Variants in CACNA1A observed in about 807,000 individuals in gnomAD.
CACNA1A encodes calcium voltage-gated channel subunit alpha1 A.
In CACNA1A, 57 loss-of-function variants were observed where a neutral mutation model predicts 262.4. The ratio of observed to expected loss-of-function variants is 0.22; its 90% CI spans 0.18 to 0.27. CACNA1A has a LOEUF of 0.27. CACNA1A is among the 10% of genes least tolerant of loss of function. The pLI, the probability that CACNA1A is intolerant of heterozygous loss-of-function variation, is 1.00. For missense variants in CACNA1A, 2,526 were observed against 3,562.8 expected (o/e 0.71, Z 7.41); for synonymous variants, 1,431 against 1,419.3 (o/e 1.01, Z -0.18).
At chr19:13,251,015 C>T (rs2056380758) in intron 30 of CACNA1A, among the ~76,000 whole-genome samples, 2 of 151,072 alleles carry the variant, frequency 1.3e-5, no homozygotes, top group African/African-American at 4.9e-5. Context: ...ATCTGTAGTC[C>T]CAGCTACTCA....
At chr19:13,461,204 G>T (rs2061115520) in intron 1 of CACNA1A, among the ~76,000 whole-genome samples, 1 of 152,166 alleles carries the variant, frequency 6.6e-6, no homozygotes, top group South Asian at 2.1e-4. Context: ...GCTGGGCATA[G>T]TGGCAGACGC....
chr19:13,496,028 C>T (rs1981467788), intron 1 of CACNA1A, among the ~76,000 whole-genome samples: 1 of 148,878 alleles, frequency 6.7e-6, no homozygotes, highest in Admixed American at 6.9e-5. Context: ...ATCCACTCAT[C>T]CATGCATCTG....
chr19:13,300,139 AG>A (rs1426385084), intron 18 of CACNA1A, among the ~76,000 whole-genome samples: 12 of 152,158 alleles, frequency 7.9e-5, no homozygotes, highest in Non-Finnish European at 1.5e-4. Flanking sequence ...CCCCTATTCT[AG>A]GTGATGCCTT....
intron 3 of CACNA1A, among the ~76,000 whole-genome samples, chr19:13,449,293 A>AAAC (rs369479680): frequency 1.4e-4 from 22 of 151,840 alleles, no homozygotes; most frequent in African/African-American, 4.8e-4. Context: ...AAAAAACAAA[A>AAAC]AACAACAACA....
chr19:13,381,363 C>T (rs2059521035), intron 3 of CACNA1A, among the ~76,000 whole-genome samples: 1 of 146,716 alleles, frequency 6.8e-6, no homozygotes, highest in Admixed American at 6.8e-5. Flanking sequence ...CGTGCCACTG[C>T]ATTCCAGGCT....
chr19:13,343,125 TTTC>T (rs1276439333), intron 6 of CACNA1A, among the ~76,000 whole-genome samples: 4 of 143,196 alleles, frequency 2.8e-5, no homozygotes, highest in African/African-American at 1.1e-4. Context: ...CTTTTTTTTC[TTTC>T]TTTTTTTTTT....
chr19:13,378,522 C>T (rs1271294953), intron 3 of CACNA1A, among the ~76,000 whole-genome samples: 2 of 152,128 alleles, frequency 1.3e-5, no homozygotes, highest in African/African-American at 4.8e-5. Flanking sequence ...ACAGGCACCC[C>T]AATCTTCAGC....
chr19:13,255,383 C>A (rs189802895), intron 28 of CACNA1A, 124 bp from the exon 29 acceptor site: 11 of 841,820 alleles, frequency 1.3e-5, no homozygotes, highest in Non-Finnish European at 1.9e-5. Context: ...GCCTCTCTTG[C>A]CCCCAGCCAG....
At chr19:13,254,537 T>C (rs978473168) in intron 29 of CACNA1A, among the ~76,000 whole-genome samples, 4 of 152,030 alleles carry the variant, frequency 2.6e-5, no homozygotes, top group African/African-American at 4.8e-5. Context: ...TAATTTTGTA[T>C]TTTTAGTAGA....
chr19:13,376,779 AATATATGTGACATATATACACATAAT>A (rs2059418399), intron 3 of CACNA1A, among the ~76,000 whole-genome samples: 1 of 111,944 alleles, frequency 8.9e-6, no homozygotes, highest in African/African-American at 3.9e-5. Flanking sequence ...TATAACACAT[AATATATGTGACATATATACACATAAT>A]ATATGTTATG....
intron 1 of CACNA1A, among the ~76,000 whole-genome samples, chr19:13,485,474 AATG>A (rs149420024): frequency 0.019 from 2,844 of 152,316 alleles, 158 homozygotes; most frequent in East Asian, 0.19. Context: ...CACAACATAT[AATG>A]ATGAAGAATC....
chr19:13,357,634 T>C (rs954877417), intron 6 of CACNA1A, among the ~76,000 whole-genome samples: 1 of 152,134 alleles, frequency 6.6e-6, no homozygotes, highest in Non-Finnish European at 1.5e-5. Context: ...ACCTGCATAG[T>C]AGGTGAGGGA....
intron 10 of CACNA1A, among the ~76,000 whole-genome samples, chr19:13,322,156 C>T (rs547729416): frequency 1.4e-4 from 20 of 142,672 alleles, no homozygotes; most frequent in Non-Finnish European, 2.7e-4. Flanking sequence ...GAGCTGTGAT[C>T]GTGCCATTGC....
chr19:13,484,336 G>A (rs1979722733), intron 1 of CACNA1A, among the ~76,000 whole-genome samples: 2 of 152,122 alleles, frequency 1.3e-5, no homozygotes, highest in South Asian at 4.1e-4. Flanking sequence ...GCTGTCCAGT[G>A]ACTCTCTTGG....
Position 13,259,654 on chromosome 19 carries a change from C to T in CACNA1A, c.4298G>A (p.Arg1433Gln), listed in dbSNP as rs2144758462. The change falls in exon 27 of 47, where the codon CGG becomes CAG. Residue 1433 changes from arginine to glutamine, a missense_variant. Around this residue, in one of 17 missense-constraint regions of CACNA1A, gnomAD observed 137 missense variants for 377.7 expected, o/e 0.36. Coordinates refer to ENST00000360228, the MANE Select transcript of CACNA1A (RefSeq NM_001127222.2). ...ATGGAATTCATACTTCTTCCACTCC[C>T]GGTCTCGCGCCTTCACCTCATTCTT... Reference protein sequence around the residue: ...YEKNEVKARDREWKKYEFHYD... With the variant: ...YEKNEVKARDQEWKKYEFHYD... 1 of 1,610,658 alleles carries T rather than the reference C, an allele frequency of 6.2e-7. No individual in the cohort carries two copies. The highest frequency in any genetic ancestry group is 8.5e-7 in the Non-Finnish European group (1 of 1,178,474).
At chr19:13,339,860 C>A (rs1429811486) in intron 6 of CACNA1A, among the ~76,000 whole-genome samples, 40 of 151,770 alleles carry the variant, frequency 2.6e-4, no homozygotes, top group Non-Finnish European at 7.4e-5. Flanking sequence ...AATGAATGTG[C>A]CAGCCACCAG....
At chr19:13,230,802 A>G (rs2055635548) in intron 35 of CACNA1A, among the ~76,000 whole-genome samples, 1 of 150,246 alleles carries the variant, frequency 6.7e-6, no homozygotes, top group South Asian at 2.1e-4. Flanking sequence ...GTGAGACTCC[A>G]TTTCAAAGAA....
chr19:13,304,208 C>T (rs542235795), intron 15 of CACNA1A, among the ~76,000 whole-genome samples: 5 of 152,082 alleles, frequency 3.3e-5, no homozygotes, highest in Middle Eastern at 3.4e-3. Context: ...AAATTGTGCC[C>T]GCCTCCAAAT....
At chr19:13,234,850 G>T in intron 34 of CACNA1A, 71 bp downstream of exon 34, 1 of 1,030,934 alleles carries the variant, frequency 9.7e-7, no homozygotes. Context: ...CATCCTCTAT[G>T]GGAACAGAAG....
Sources: gnomAD v4.1 joint callset for allele counts (sites outside exome capture counted in the v4.1 genomes callset) on GRCh38, gnomAD v4.1.1 for gene constraint, gnomAD v4.1.1 regional missense constraint, MANE v1.5 for transcripts, NCBI Gene and HGNC (gene_info 2026-07-23, HGNC 2026-07-21) for gene names.